The following KCNB2 variants were observed in gnomAD, a reference collection of about 807,000 sequenced individuals.
The protein encoded by KCNB2 is delayed rectifier potassium channel protein.
In KCNB2, 15 loss-of-function variants were observed where a neutral mutation model predicts 61.5. That is an observed-to-expected ratio of 0.24 (90% CI 0.16 to 0.38). KCNB2 has a LOEUF of 0.38. Among genes scored for constraint, KCNB2 ranks in the 10% least tolerant of loss-of-function variants. KCNB2 has a pLI of 1.00. For missense variants in KCNB2, 828 were observed against 1,125.2 expected (o/e 0.74, Z 3.78); for synonymous variants, 457 against 446.0 (o/e 1.02, Z -0.31).
At chr8:72,911,833 T>C (rs1045145034) in intron 2 of KCNB2, among the ~76,000 whole-genome samples, 1 of 152,214 alleles carries the variant, frequency 6.6e-6, no homozygotes, top group African/African-American at 2.4e-5. Context: ...GTTTCCTGTT[T>C]TGTATAATGA....
chr8:72,792,087 A>G (rs1355258310), intron 2 of KCNB2, among the ~76,000 whole-genome samples: 2 of 152,214 alleles, frequency 1.3e-5, no homozygotes, highest in Non-Finnish European at 2.9e-5. Flanking sequence ...CCCATTTAGC[A>G]GCAGTAAATG....
rs141213339 is a variant in KCNB2, at chr8:72,586,114, A to T, written c.579+17801A>T. Among the ~76,000 whole-genome samples the T allele has an allele frequency of 5.9e-5, 9 of 152,344 alleles. No homozygotes were observed. The East Asian group carries it at 1.7e-3, about 29-fold the overall frequency. ...CCACACTGTCAGATGCCTTAGGCTT[A>T]CCAGAATGAATTCCTACAGCATTTC... On this transcript the variant is annotated intron_variant, in intron 2 of 2. Coordinates refer to ENST00000523207, the MANE Select transcript of KCNB2 (RefSeq NM_004770.3).
At chr8:72,650,058 G>A (rs1585806776) in intron 2 of KCNB2, among the ~76,000 whole-genome samples, 1 of 152,156 alleles carries the variant, frequency 6.6e-6, no homozygotes, top group Middle Eastern at 3.4e-3. Flanking sequence ...AAGGAATAAA[G>A]CACCATTAAA....
intron 2 of KCNB2, among the ~76,000 whole-genome samples, chr8:72,628,537 G>A (rs763496819): frequency 1.1e-4 from 17 of 151,878 alleles, no homozygotes; most frequent in Admixed American, 8.5e-4. Context: ...AGAAAAAAGA[G>A]CTAACCATGC....
intron 2 of KCNB2, among the ~76,000 whole-genome samples, chr8:72,628,436 T>A (rs937048178): frequency 1.8e-5 from 2 of 113,544 alleles, no homozygotes; most frequent in Non-Finnish European, 3.6e-5. Flanking sequence ...TGTGTGTGTG[T>A]GTGTGTGTGA....
chr8:72,919,410 G>T lies in KCNB2; in HGVS notation c.580-16525G>T, dbSNP rs191405774. ...GATTAAGAAAGACTTTTGGGAGGGT[G>T]GGGGTAATGGGTAGTTTTTAAACTG... On this transcript the variant is annotated intron_variant, in intron 2 of 2. Transcript: ENST00000523207. Among the ~76,000 whole-genome samples, 276 of 152,302 alleles carry T rather than the reference G, an allele frequency of 1.8e-3. 1 individual carries two copies. The highest frequency in any genetic ancestry group is 3.3e-3 in the Non-Finnish European group (223 of 68,022).
intron 2 of KCNB2, among the ~76,000 whole-genome samples, chr8:72,675,827 C>T (rs1461987398): frequency 1.3e-5 from 2 of 152,276 alleles, no homozygotes; most frequent in South Asian, 2.1e-4. Flanking sequence ...GCTGGGATTA[C>T]AGGCATGAGT....
chr8:72,691,752 T>C (rs1271144864), intron 2 of KCNB2, among the ~76,000 whole-genome samples: 1 of 152,216 alleles, frequency 6.6e-6, no homozygotes, highest in Non-Finnish European at 1.5e-5. Flanking sequence ...TTCTATTTCA[T>C]TTCTATTTCT....
rs1235890316 is a variant in KCNB2 at position 72,833,448 on chromosome 8, G to A, written c.580-102487G>A. 2.0e-5 allele frequency among the ~76,000 whole-genome samples: 3 copies of A among 152,272 alleles called. No homozygotes were observed. In the East Asian group the frequency reaches 5.8e-4, roughly 29 times the overall value. Reference sequence around the variant, plus strand: ...AGGAAATAGTGAGGTTCTAGCATAGGAGAGGTAGATTGTGTGACTTCATAA... The same window carrying A: ...AGGAAATAGTGAGGTTCTAGCATAGAAGAGGTAGATTGTGTGACTTCATAA... On this transcript the variant is annotated intron_variant, in intron 2 of 2. Transcript: ENST00000523207.
intron 2 of KCNB2, among the ~76,000 whole-genome samples, chr8:72,633,460 G>C (rs559990343): frequency 2.2e-4 from 33 of 152,116 alleles, no homozygotes; most frequent in African/African-American, 7.7e-4. Flanking sequence ...AGTGCCATTC[G>C]CCATGTAACT....
At chr8:72,870,998 A>G (rs1356134011) in intron 2 of KCNB2, among the ~76,000 whole-genome samples, 2 of 152,320 alleles carry the variant, frequency 1.3e-5, no homozygotes, top group South Asian at 4.1e-4. Flanking sequence ...TAGAGAAAAG[A>G]AAAGAAAGAA....
At chr8:72,585,633 G>A (rs1806990596) in intron 2 of KCNB2, among the ~76,000 whole-genome samples, 1 of 152,196 alleles carries the variant, frequency 6.6e-6, no homozygotes, top group South Asian at 2.1e-4. Flanking sequence ...CTCCCAAAGT[G>A]TTGGGATTAC....
At chr8:72,742,320 C>T (rs139269389) in intron 2 of KCNB2, among the ~76,000 whole-genome samples, 2 of 152,312 alleles carry the variant, frequency 1.3e-5, no homozygotes, top group African/African-American at 2.4e-5. Flanking sequence ...TGTAAAAATT[C>T]GTGTAGTCTT....
intron 2 of KCNB2, among the ~76,000 whole-genome samples, chr8:72,931,195 C>T (rs1231277292): frequency 6.6e-6 from 1 of 152,186 alleles, no homozygotes; most frequent in African/African-American, 2.4e-5. Flanking sequence ...GTTTTGGTTA[C>T]TGTAGTCTTG....
At chr8:72,545,082 C>G (rs1212633218) in intron 1 of KCNB2, among the ~76,000 whole-genome samples, 1 of 152,134 alleles carries the variant, frequency 6.6e-6, no homozygotes, top group Non-Finnish European at 1.5e-5. Context: ...TGCTCTCTGG[C>G]TACAGATAGG....
rs148385958 is a variant in KCNB2, at chr8:72,617,809, C to T, written c.579+49496C>T. Among the ~76,000 whole-genome samples the T allele has an allele frequency of 2.5e-3, 379 of 152,250 alleles. 1 individual carries two copies. Among genetic ancestry groups the T allele is most frequent in the South Asian group, 0.018 (85 of 4,824 alleles). ...AAATTCGCCACCTCCCCGCCGGCCC[C>T]GGCCCCAAGTAATAAACAACTAATT... On this transcript the variant is annotated intron_variant, in intron 2 of 2. Coordinates refer to ENST00000523207, the MANE Select transcript of KCNB2 (RefSeq NM_004770.3).
At chr8:72,720,941 A>G (rs1807538443) in intron 2 of KCNB2, among the ~76,000 whole-genome samples, 1 of 152,300 alleles carries the variant, frequency 6.6e-6, no homozygotes, top group Non-Finnish European at 1.5e-5. Flanking sequence ...CATTTCTATT[A>G]AGTCTTCACA....
rs930925394 is a variant in KCNB2, at chr8:72,599,282, C to T, written c.579+30969C>T. 5.3e-5 allele frequency among the ~76,000 whole-genome samples: 8 copies of T among 152,018 alleles called. No individual in the cohort carries two copies. The East Asian group carries it at 7.8e-4, about 15-fold the overall frequency. On this transcript the variant is annotated intron_variant, in intron 2 of 2. Transcript: ENST00000523207. ...ACCAATGGAACAGAACAGAGCCCTCCGAAATAATGCCGCATATCTACAACT... is the reference window on the plus strand; with the variant it reads ...ACCAATGGAACAGAACAGAGCCCTCTGAAATAATGCCGCATATCTACAACT...
chr8:72,697,313 T>TGTCATCATC (rs1234099102), intron 2 of KCNB2, among the ~76,000 whole-genome samples: 3 of 152,118 alleles, frequency 2.0e-5, no homozygotes, highest in Non-Finnish European at 2.9e-5. Flanking sequence ...ACTCAGTAAG[T>TGTCATCATC]GTCATCATCG....
Sources: gnomAD v4.1 joint callset for allele counts (sites outside exome capture counted in the v4.1 genomes callset) on GRCh38, gnomAD v4.1.1 for gene constraint, MANE v1.5 for transcripts, NCBI Gene and HGNC (gene_info 2026-07-23, HGNC 2026-07-21) for gene names.